Variants in ARHGAP25 observed in about 807,000 individuals in gnomAD.
ARHGAP25 encodes Rho GTPase activating protein 25.
In ARHGAP25, 34 loss-of-function variants were observed where a neutral mutation model predicts 71.0. The ratio of observed to expected loss-of-function variants is 0.48; its 90% CI spans 0.36 to 0.64. ARHGAP25 has a LOEUF of 0.64. Ranked by LOEUF, ARHGAP25 falls within the 30% of genes least tolerant of loss-of-function variation. The probability of loss-of-function intolerance (pLI) is 0.00; values close to 1 mark genes in which losing one functional copy is unlikely to be tolerated. For missense variants in ARHGAP25, 706 were observed against 805.1 expected, an observed-to-expected ratio of 0.88 and a Z score of 1.49; for synonymous variants, 282 against 296.5, an observed-to-expected ratio of 0.95 and a Z score of 0.50.
At position 68,742,661 on chromosome 2, in the gene ARHGAP25, G is replaced by A. The variant is rs189003903; in HGVS notation, c.61+7401G>A. Among the ~76,000 whole-genome samples the A allele has an allele frequency of 3.9e-3, 601 of 152,324 alleles. 4 individuals are homozygous for A. The highest frequency in any genetic ancestry group is 0.01 in the Middle Eastern group (3 of 294). Reference sequence around the variant, plus strand: ...TAGCTATAATGGAGATCTGATATCAGCTCCTTTGAATCAAGTCATTGGTGA... The same window carrying A: ...TAGCTATAATGGAGATCTGATATCAACTCCTTTGAATCAAGTCATTGGTGA... On this transcript the variant is annotated intron_variant, in intron 1 of 10. Transcript: ENST00000409202.
intron 1 of ARHGAP25, among the ~76,000 whole-genome samples, chr2:68,750,145 C>A: frequency 6.6e-6 from 1 of 150,726 alleles, no homozygotes; most frequent in African/African-American, 2.4e-5. Context: ...TAGCTGGGAC[C>A]ACAGGCGTGC....
intron 2 of ARHGAP25, among the ~76,000 whole-genome samples, chr2:68,720,316 C>CAAAAAAAAAAAAAAAA (rs11314943): frequency 1.3e-5 from 1 of 75,676 alleles, no homozygotes; most frequent in Admixed American, 1.3e-4. Flanking sequence ...ACATTTCAGT[C>CAAAAAAAAAAAAAAAA]AAAAAAAAAA....
Position 68,775,205 on chromosome 2 carries a change from C to G in ARHGAP25, c.62-16C>G. On this transcript the variant is annotated splice_polypyrimidine_tract_variant and intron_variant, in intron 1 of 10. Transcript: ENST00000409202. ...CATGTCCCTCGGTCAGTCGGCCTGTCTGTTCCTCTCTATAGCTCGGTCAAG... is the reference window on the plus strand; with the variant it reads ...CATGTCCCTCGGTCAGTCGGCCTGTGTGTTCCTCTCTATAGCTCGGTCAAG... The G allele has an allele frequency of 6.2e-7, 1 of 1,614,270 alleles. No individual in the cohort carries two copies. The highest frequency in any genetic ancestry group is 1.1e-5 in the South Asian group (1 of 91,088).
At position 68,782,239 on chromosome 2, in the gene ARHGAP25, A is replaced by G. The variant is rs1678391481; in HGVS notation, c.268A>G (p.Met90Val). 4 of 1,614,068 alleles carry G rather than the reference A, an allele frequency of 2.5e-6. No individual in the cohort carries two copies. Among genetic ancestry groups the G allele is most frequent in the Middle Eastern group, 1.7e-4 (1 of 6,058 alleles). The change falls in exon 3 of 11, where the codon ATG becomes GTG. Residue 90 changes from methionine to valine, a missense_variant. Met to Val is a conservative substitution (Grantham distance 21, BLOSUM62 1). Coordinates refer to ENST00000409202, the MANE Select transcript of ARHGAP25 (RefSeq NM_001007231.3). ...DEEDTKPQGC[M>V]YLPGCTIKEI... is the part of the protein sequence containing the mutation. ...CTGACTTTTCATCTTTCAGGGCTGC[A>G]TGTATCTACCAGGATGTACAATCAA...
chr2:68,716,691 CATG>C (rs1674615148), intron 2 of ARHGAP25, among the ~76,000 whole-genome samples: 1 of 152,232 alleles, frequency 6.6e-6, no homozygotes, highest in Admixed American at 6.5e-5. Flanking sequence ...CCTTCAACCA[CATG>C]ATGTTATCTT....
chr2:68,801,370 A>G (rs1161462503), intron 4 of ARHGAP25, among the ~76,000 whole-genome samples: 1 of 152,192 alleles, frequency 6.6e-6, no homozygotes, highest in Non-Finnish European at 1.5e-5. Flanking sequence ...TCCTCAGAGG[A>G]GGCTAAAAGC....
intron 2 of ARHGAP25, among the ~76,000 whole-genome samples, chr2:68,725,545 T>C (rs1330324988): frequency 6.6e-6 from 1 of 152,090 alleles, no homozygotes; most frequent in East Asian, 1.9e-4. Flanking sequence ...TTGACCAAGC[T>C]GTTTAGAATT....
chr2:68,810,770 G>T (rs1171799457), intron 5 of ARHGAP25, among the ~76,000 whole-genome samples: 1 of 144,632 alleles, frequency 6.9e-6, no homozygotes, highest in Middle Eastern at 3.8e-3. Context: ...AGGCTAGAGT[G>T]CAGTGGTTTC....
chr2:68,742,582 G>T (rs774891010), intron 1 of ARHGAP25, among the ~76,000 whole-genome samples: 1 of 152,192 alleles, frequency 6.6e-6, no homozygotes, highest in Non-Finnish European at 1.5e-5. Context: ...ATAAGAGCTG[G>T]TGTCTAGTAA....
At chr2:68,727,124 G>A (rs1352302810) in intron 2 of ARHGAP25, among the ~76,000 whole-genome samples, 3 of 152,156 alleles carry the variant, frequency 2.0e-5, no homozygotes, top group African/African-American at 2.4e-5. Context: ...ACAGCCATCC[G>A]GCCTATGCAC....
intron 2 of ARHGAP25, 60 bp from the exon 3 acceptor site, chr2:68,782,173 C>T (rs1678386961): frequency 1.2e-5 from 17 of 1,465,638 alleles, no homozygotes; most frequent in Non-Finnish European, 1.5e-5. Context: ...GTTGTCCAAC[C>T]CAATTTTAGT....
chr2:68,736,767 A>G (rs1675243923), intron 1 of ARHGAP25, among the ~76,000 whole-genome samples: 1 of 152,088 alleles, frequency 6.6e-6, no homozygotes, highest in Non-Finnish European at 1.5e-5. Flanking sequence ...AGTGCTGGCT[A>G]AAAATGCAGA....
At chr2:68,771,269 C>A (rs1469643838) in intron 1 of ARHGAP25, among the ~76,000 whole-genome samples, 1 of 152,136 alleles carries the variant, frequency 6.6e-6, no homozygotes, top group Non-Finnish European at 1.5e-5. Context: ...ACTGCCTTCC[C>A]ACCTTTCCCC....
At chr2:68,733,886 C>A (rs1045779979), upstream of ARHGAP25, among the ~76,000 whole-genome samples, 7 of 152,186 alleles carry the variant, frequency 4.6e-5, no homozygotes, top group African/African-American at 1.7e-4. Flanking sequence ...AGCCTCACAA[C>A]AGCCTATGAA....
chr2:68,744,959 A>G (rs1189808422), intron 1 of ARHGAP25, among the ~76,000 whole-genome samples: 1 of 152,236 alleles, frequency 6.6e-6, no homozygotes. Flanking sequence ...TTCACAGATA[A>G]AAAATAAGAT....
chr2:68,766,688 A>G (rs1018700095), intron 1 of ARHGAP25, among the ~76,000 whole-genome samples: 2 of 151,514 alleles, frequency 1.3e-5, no homozygotes, highest in African/African-American at 4.9e-5. Context: ...AAGTAACAGA[A>G]AGCCAGTACT....
chr2:68,789,564 C>T (rs1001258864), intron 4 of ARHGAP25, among the ~76,000 whole-genome samples: 1 of 152,164 alleles, frequency 6.6e-6, no homozygotes. Flanking sequence ...CCTGCAGGTA[C>T]ATAATTAGGC....
At chr2:68,738,279 G>A (rs1190365710) in intron 1 of ARHGAP25, among the ~76,000 whole-genome samples, 1 of 152,170 alleles carries the variant, frequency 6.6e-6, no homozygotes, top group African/African-American at 2.4e-5. Flanking sequence ...TCCAGCCCCA[G>A]GTTACAGGGC....
upstream of ARHGAP25, among the ~76,000 whole-genome samples, chr2:68,729,887 A>C (rs908560565): frequency 6.6e-6 from 1 of 152,250 alleles, no homozygotes; most frequent in Non-Finnish European, 1.5e-5. Context: ...TTCTATCTCT[A>C]AGAATTCCCC....
Sources: gnomAD v4.1 joint callset for allele counts (sites outside exome capture counted in the v4.1 genomes callset) on GRCh38, gnomAD v4.1.1 for gene constraint, MANE v1.5 for transcripts, NCBI Gene and HGNC (gene_info 2026-07-23, HGNC 2026-07-21) for gene names.